SLC9C1: variants seen among roughly 807,000 people sequenced by gnomAD.
SLC9C1 encodes sodium/hydrogen exchanger 10.
In SLC9C1, 97 loss-of-function variants were observed where a neutral mutation model predicts 140.9. That is an observed-to-expected ratio of 0.69 (90% CI 0.58 to 0.82). The LOEUF (loss-of-function observed/expected upper bound fraction) is 0.82. Ranked by LOEUF, SLC9C1 falls within the 40% of genes least tolerant of loss-of-function variation. The probability of loss-of-function intolerance (pLI) is 0.00; values close to 1 mark genes in which losing one functional copy is unlikely to be tolerated. For synonymous variants in SLC9C1, 440 were observed against 442.6 expected (o/e 0.99, Z 0.07); for missense variants, 1,340 against 1,389.3 (o/e 0.96, Z 0.56).
intron 12 of SLC9C1, among the ~76,000 whole-genome samples, chr3:112,233,809 C>A (rs1242588055): frequency 1.3e-5 from 2 of 152,038 alleles, no homozygotes; most frequent in Non-Finnish European, 2.9e-5. Flanking sequence ...AGGACATGAA[C>A]TCATCATTTT....
intron 10 of SLC9C1, among the ~76,000 whole-genome samples, chr3:112,248,886 T>G (rs1298099852): frequency 1.3e-5 from 2 of 152,192 alleles, no homozygotes; most frequent in African/African-American, 4.8e-5. Context: ...AAATCATATC[T>G]TCTGCACACA....
chr3:112,221,474 A>C (rs2078539470), intron 13 of SLC9C1, among the ~76,000 whole-genome samples: 1 of 152,184 alleles, frequency 6.6e-6, no homozygotes. Flanking sequence ...TTCAAAAAAT[A>C]AATGGAACTT....
intron 23 of SLC9C1, among the ~76,000 whole-genome samples, chr3:112,172,194 C>T (rs1473481331): frequency 6.6e-6 from 1 of 152,074 alleles, no homozygotes; most frequent in Non-Finnish European, 1.5e-5. Flanking sequence ...ATTATGGGCT[C>T]TAATCCACAA....
Position 112,281,225 on chromosome 3 carries a change from G to A in SLC9C1, c.89-442C>T, listed in dbSNP as rs114160527. 4.4e-3 allele frequency among the ~76,000 whole-genome samples: 676 copies of A among 152,264 alleles called. 9 individuals carry two copies. The highest frequency in any genetic ancestry group is 0.016 in the African/African-American group (647 of 41,546). ...GGAATAGTGGGTTTTGCTGCAACTG[G>A]TTCATTTTCCTCCTGTTTTCACTAA... is the stretch of plus-strand genomic sequence containing the variant. On this transcript the variant is annotated intron_variant, in intron 2 of 28. Transcript: ENST00000305815.
chr3:112,179,187 T>G (rs2077393727), intron 23 of SLC9C1, among the ~76,000 whole-genome samples: 1 of 152,166 alleles, frequency 6.6e-6, no homozygotes, highest in African/African-American at 2.4e-5. Flanking sequence ...TGTCCAACTT[T>G]TATATTAATA....
intron 13 of SLC9C1, among the ~76,000 whole-genome samples, chr3:112,231,077 G>C (rs2078807592): frequency 6.6e-6 from 1 of 152,060 alleles, no homozygotes; most frequent in South Asian, 2.1e-4. Flanking sequence ...CTTTACTTAA[G>C]TTAATGTGAG....
chr3:112,175,749 G>C (rs2077324810), intron 23 of SLC9C1, among the ~76,000 whole-genome samples: 1 of 152,220 alleles, frequency 6.6e-6, no homozygotes, highest in South Asian at 2.1e-4. Flanking sequence ...CTGCTGAGCA[G>C]TGCTGAGGGA....
chr3:112,221,188 G>C lies in SLC9C1; in HGVS notation c.1610C>G (p.Ser537Cys). 8 of 1,613,504 alleles carry C rather than the reference G, an allele frequency of 5.0e-6. No individual in the cohort carries two copies. Among genetic ancestry groups the C allele is most frequent in the Non-Finnish European group, 6.8e-6 (8 of 1,179,692 alleles). ...YQRQYRNEILSQSAVQVLVGA... is the reference protein window; with the variant it reads ...YQRQYRNEILCQSAVQVLVGA... The stretch of plus-strand genomic sequence containing the variant: ...AACCAACACCTGGACAGCACTCTGG[G>C]ACAGAATCTCATTCCTGTATTGTCT... The change falls in exon 14 of 29, where the codon TCC (serine) becomes TGC (cysteine). Residue 537 changes from serine (S) to cysteine (C), a missense_variant. Ser to Cys is a moderately radical substitution (Grantham distance 112). Coordinates refer to ENST00000305815, the MANE Select transcript of SLC9C1 (RefSeq NM_183061.3).
chr3:112,196,004 A>G (rs2077760756), intron 20 of SLC9C1, among the ~76,000 whole-genome samples: 2 of 152,128 alleles, frequency 1.3e-5, no homozygotes, highest in Admixed American at 1.3e-4. Flanking sequence ...TTATTTCTTT[A>G]TAAGGTTCTG....
In SLC9C1 at chr3:112,247,139, G is replaced by A. The variant is rs191094818; in HGVS notation, c.1198-3063C>T. ...AGGAGAATAATAAATATTGAATGAA[G>A]CTAATTTTAGAAAATAAGCAAATCC... On this transcript the variant is annotated intron_variant, in intron 10 of 28. Coordinates refer to ENST00000305815, the MANE Select transcript of SLC9C1 (RefSeq NM_183061.3). 2.6e-5 allele frequency among the ~76,000 whole-genome samples: 4 copies of A among 152,226 alleles called. No individual in the cohort carries two copies. The East Asian group carries it at 7.7e-4, about 29-fold the overall frequency.
chr3:112,158,660 T>C (rs1201179831), intron 26 of SLC9C1, among the ~76,000 whole-genome samples: 2 of 152,038 alleles, frequency 1.3e-5, no homozygotes, highest in Admixed American at 1.3e-4. Flanking sequence ...GGGTTTTCTT[T>C]AATGGGAGAC....
intron 13 of SLC9C1, among the ~76,000 whole-genome samples, chr3:112,226,126 A>G (rs993407752): frequency 6.6e-6 from 1 of 152,220 alleles, no homozygotes; most frequent in African/African-American, 2.4e-5. Context: ...TCTCCAGGAT[A>G]GAGCATATGG....
intron 10 of SLC9C1, among the ~76,000 whole-genome samples, chr3:112,259,189 G>A (rs966602282): frequency 2.0e-5 from 3 of 152,024 alleles, no homozygotes; most frequent in South Asian, 2.1e-4. Context: ...GTAAACTAAC[G>A]CAGGAACAGA....
rs186405730 is a variant in SLC9C1 at position 112,231,572 on chromosome 3, T to G, written c.1447-86A>C. ...AATCCACAAGCAATTTTTGTACCAG[T>G]TTGCATTGAAAAATGGTAGCAAATC... On this transcript the variant is annotated intron_variant, in intron 12 of 28. Coordinates refer to ENST00000305815, the MANE Select transcript of SLC9C1 (RefSeq NM_183061.3). 935 of 1,353,210 alleles carry G rather than the reference T, an allele frequency of 6.9e-4. 9 individuals are homozygous for G. The East Asian group carries it at 0.014, about 20-fold the overall frequency. 83.8% of individuals were successfully genotyped at this position (1,353,210 alleles called of 1,614,324 possible).
At chr3:112,235,929 T>A (rs1301941957) in intron 12 of SLC9C1, among the ~76,000 whole-genome samples, 1 of 152,238 alleles carries the variant, frequency 6.6e-6, no homozygotes, top group African/African-American at 2.4e-5. Context: ...TCTAAAATTC[T>A]TGTTTTTTGT....
At chr3:112,226,188 G>A (rs1287585851) in intron 13 of SLC9C1, among the ~76,000 whole-genome samples, 6 of 152,040 alleles carry the variant, frequency 3.9e-5, no homozygotes, top group Admixed American at 3.3e-4. Flanking sequence ...ATCATATCAA[G>A]TATCTTTTCT....
At chr3:112,164,031 CTTCT>C (rs1392356142) in intron 26 of SLC9C1, among the ~76,000 whole-genome samples, 1 of 152,034 alleles carries the variant, frequency 6.6e-6, no homozygotes, top group Non-Finnish European at 1.5e-5. Context: ...ATGTAATGGC[CTTCT>C]TTGTCTCTTT....
intron 12 of SLC9C1, among the ~76,000 whole-genome samples, chr3:112,235,091 G>A (rs1175702913): frequency 6.8e-6 from 1 of 146,726 alleles, no homozygotes; most frequent in Non-Finnish European, 1.5e-5. Flanking sequence ...TCACGATATT[G>A]ATTCTTCCTA....
At chr3:112,236,078 G>T (rs1392133418) in intron 12 of SLC9C1, among the ~76,000 whole-genome samples, 3 of 152,102 alleles carry the variant, frequency 2.0e-5, no homozygotes, top group Non-Finnish European at 4.4e-5. Flanking sequence ...GGTAGAATTC[G>T]GCTGTGAATC....
Sources: allele counts gnomAD v4.1 joint callset (sites outside exome capture counted in the v4.1 genomes callset), GRCh38; gene constraint gnomAD v4.1.1; transcripts MANE v1.5; gene names NCBI Gene and HGNC (gene_info 2026-07-23, HGNC 2026-07-21).